The following BTRC variants were observed in gnomAD, a reference collection of about 807,000 sequenced individuals.
The protein encoded by BTRC is F-box/WD repeat-containing protein 1A.
BTRC carries 42 observed loss-of-function variants against 85.5 expected under a neutral mutation model. The observed-to-expected ratio is 0.49, with a 90% CI of 0.38 to 0.64. The LOEUF (loss-of-function observed/expected upper bound fraction) is 0.64, where lower values mean the gene tolerates loss of function less well. BTRC is among the 30% of genes least tolerant of loss of function. The probability of loss-of-function intolerance (pLI) is 0.00; values close to 1 mark genes in which losing one functional copy is unlikely to be tolerated. For synonymous variants in BTRC, 255 were observed against 263.3 expected (o/e 0.97, Z 0.30); for missense variants, 594 against 743.5 (o/e 0.80, Z 2.34).
intron 2 of BTRC, among the ~76,000 whole-genome samples, chr10:101,442,470 GTT>G (rs1944713484): frequency 6.6e-6 from 1 of 152,022 alleles, no homozygotes; most frequent in African/African-American, 2.4e-5. Flanking sequence ...ACCCCATCCA[GTT>G]TAGTTCAGAA....
intron 1 of BTRC, among the ~76,000 whole-genome samples, chr10:101,397,683 T>TC (rs1386473476): frequency 6.6e-6 from 1 of 152,202 alleles, no homozygotes; most frequent in East Asian, 1.9e-4. Flanking sequence ...CTTTCCTCTT[T>TC]CCCCCATTTC....
chr10:101,476,670 C>T (rs1466206295), intron 3 of BTRC, among the ~76,000 whole-genome samples: 2 of 151,996 alleles, frequency 1.3e-5, no homozygotes, highest in Non-Finnish European at 2.9e-5. Flanking sequence ...TATGGAACTC[C>T]CGGTTTCAAG....
chr10:101,536,403 T>G (rs1156370562), intron 11 of BTRC, 140 bp from the exon 12 acceptor site: 6 of 534,956 alleles, frequency 1.1e-5, no homozygotes, highest in Admixed American at 9.7e-5. Flanking sequence ...TAAATTACAT[T>G]GAAAGCAGTA....
At chr10:101,378,002 G>T (rs758619003) in intron 1 of BTRC, among the ~76,000 whole-genome samples, 22 of 151,874 alleles carry the variant, frequency 1.4e-4, no homozygotes, top group South Asian at 4.2e-4. Context: ...AGTGAGAAAC[G>T]CTTATGGACA....
intron 13 of BTRC, among the ~76,000 whole-genome samples, chr10:101,542,515 T>A (rs1299778341): frequency 6.6e-6 from 1 of 152,222 alleles, no homozygotes; most frequent in African/African-American, 2.4e-5. Context: ...GGAATTTTTA[T>A]GTCTCCCACT....
chr10:101,523,878 ATAT>A (rs1289077752), intron 5 of BTRC, among the ~76,000 whole-genome samples: 1 of 152,118 alleles, frequency 6.6e-6, no homozygotes, highest in African/African-American at 2.4e-5. Context: ...AAATTTTTTC[ATAT>A]TATAAACCAT....
At position 101,556,172 on chromosome 10, in the gene BTRC, A is replaced by G. The variant is rs1406391485; in HGVS notation, c.*3049A>G. The G allele has an allele frequency of 6.6e-6, 1 of 152,156 alleles. No homozygotes were observed. The highest frequency in any genetic ancestry group is 1.9e-4 in the East Asian group (1 of 5,204). 9.4% of individuals were successfully genotyped at this position (152,156 alleles called of 1,614,324 possible). A position where few individuals can be genotyped will look rare whatever the true frequency, so the allele number is the denominator to read the frequency against. ...AACTAGAAAAGTCTGTGAGACCCCT[A>G]CATCATTCTGGTTTTTTTGCTTGAG... On this transcript the variant is annotated 3_prime_UTR_variant, in exon 15 of 15. Transcript: ENST00000370187.
At chr10:101,363,770 A>G (rs1365655163) in intron 1 of BTRC, among the ~76,000 whole-genome samples, 6 of 152,190 alleles carry the variant, frequency 3.9e-5, no homozygotes, top group Non-Finnish European at 1.5e-5. Context: ...ATTTTGACAG[A>G]TATCTCTCTG....
At chr10:101,383,079 T>TTC (rs1468380520) in intron 1 of BTRC, among the ~76,000 whole-genome samples, 3 of 131,934 alleles carry the variant, frequency 2.3e-5, no homozygotes, top group Non-Finnish European at 3.4e-5. Context: ...TTTTTTTTTT[T>TTC]CTGAGACAGG....
At chr10:101,376,634 C>G (rs560891209) in intron 1 of BTRC, among the ~76,000 whole-genome samples, 1 of 152,258 alleles carries the variant, frequency 6.6e-6, no homozygotes, top group South Asian at 2.1e-4. Flanking sequence ...TGTGTATCAT[C>G]TTCATTTATT....
chr10:101,442,094 C>T (rs1944696647), intron 2 of BTRC, among the ~76,000 whole-genome samples: 2 of 152,100 alleles, frequency 1.3e-5, no homozygotes, highest in African/African-American at 4.8e-5. Flanking sequence ...TATGTAAGCA[C>T]TTTGACAAAT....
intron 1 of BTRC, among the ~76,000 whole-genome samples, chr10:101,426,062 T>C (rs185227358): frequency 2.8e-4 from 42 of 152,316 alleles, no homozygotes; most frequent in Non-Finnish European, 5.9e-5. Flanking sequence ...ATAAGGATAG[T>C]AACCAAAATG....
At chr10:101,392,437 C>CA (rs1053486997) in intron 1 of BTRC, among the ~76,000 whole-genome samples, 3 of 151,910 alleles carry the variant, frequency 2.0e-5, no homozygotes, top group African/African-American at 7.3e-5. Context: ...GAACACGTAT[C>CA]AAAAAAAATT....
At chr10:101,397,051 G>A (rs1943382406) in intron 1 of BTRC, among the ~76,000 whole-genome samples, 1 of 152,194 alleles carries the variant, frequency 6.6e-6, no homozygotes, top group East Asian at 1.9e-4. Context: ...TGATCCACTC[G>A]CCTCGGCCTC....
intron 2 of BTRC, among the ~76,000 whole-genome samples, chr10:101,436,703 G>A (rs1325869119): frequency 6.6e-6 from 1 of 152,120 alleles, no homozygotes; most frequent in Admixed American, 6.5e-5. Flanking sequence ...TAGCTATCAA[G>A]TGTAACCAGT....
chr10:101,488,259 A>C (rs763046827), intron 4 of BTRC, among the ~76,000 whole-genome samples: 11 of 152,176 alleles, frequency 7.2e-5, no homozygotes, highest in Non-Finnish European at 1.2e-4. Flanking sequence ...GCAGCCAGCT[A>C]TGTCATATTT....
rs2062706745 is a variant in BTRC at position 101,554,956 on chromosome 10, T to G, written c.*1833T>G. On this transcript the variant is annotated 3_prime_UTR_variant, in exon 15 of 15. Transcript: ENST00000370187. ...TACCTTTCCTGCTTTATGAGTATTT[T>G]TAAGCTTTTAGTTCAAGGTTATATT... The G allele has an allele frequency of 6.6e-6, 1 of 152,264 alleles. No individual in the cohort carries two copies. The highest frequency in any genetic ancestry group is 2.1e-4 in the South Asian group (1 of 4,836). 9.4% of individuals were successfully genotyped at this position (152,264 alleles called of 1,614,324 possible).
chr10:101,417,755 A>G (rs1227346607), intron 1 of BTRC, among the ~76,000 whole-genome samples: 1 of 151,930 alleles, frequency 6.6e-6, no homozygotes, highest in Non-Finnish European at 1.5e-5. Context: ...CGTGATCCTC[A>G]TTGTAACTCC....
intron 1 of BTRC, among the ~76,000 whole-genome samples, chr10:101,361,105 T>G (rs886965098): frequency 6.6e-6 from 1 of 152,116 alleles, no homozygotes; most frequent in African/African-American, 2.4e-5. Flanking sequence ...CATGCCCAGC[T>G]TTAGCAATTT....
Sources: gnomAD v4.1 joint callset for allele counts (sites outside exome capture counted in the v4.1 genomes callset) on GRCh38, gnomAD v4.1.1 for gene constraint, MANE v1.5 for transcripts, NCBI Gene and HGNC (gene_info 2026-07-23, HGNC 2026-07-21) for gene names.